The following GRIK1 variants were observed in gnomAD, a reference collection of about 807,000 sequenced individuals.
GRIK1 encodes glutamate ionotropic receptor kainate type subunit 1, also known as glutamate receptor ionotropic, kainate 1.
Under a neutral mutation model 105.7 loss-of-function variants are expected in GRIK1, and 69 were observed. That is an observed-to-expected ratio of 0.65 (90% CI 0.54 to 0.80). The LOEUF is 0.80. Ranked by LOEUF, GRIK1 falls within the 30% of genes least tolerant of loss-of-function variation. GRIK1 has a pLI of 0.00. For missense variants in GRIK1, 1,109 were observed against 1,167.3 expected (o/e 0.95, Z 0.73); for synonymous variants, 438 against 431.3 (o/e 1.02, Z -0.19).
chr21:29,820,872 C>T (rs112075950), intron 1 of GRIK1, among the ~76,000 whole-genome samples: 141 of 152,026 alleles, frequency 9.3e-4, no homozygotes, highest in South Asian at 6.2e-3. Flanking sequence ...AAAAACCTTA[C>T]CCAAGTTTAC....
chr21:29,627,182 T>C (rs149248977), intron 7 of GRIK1, among the ~76,000 whole-genome samples: 313 of 152,384 alleles, frequency 2.1e-3, no homozygotes, highest in African/African-American at 7.2e-3. Flanking sequence ...TGTACTTATA[T>C]ATAATAACTA....
chr21:29,724,190 C>A (rs990759719), intron 1 of GRIK1, among the ~76,000 whole-genome samples: 1 of 152,178 alleles, frequency 6.6e-6, no homozygotes, highest in African/African-American at 2.4e-5. Context: ...ATTCCTTTAG[C>A]GTGACATCAG....
intron 4 of GRIK1, among the ~76,000 whole-genome samples, chr21:29,661,853 G>A (rs1276329799): frequency 2.0e-5 from 3 of 152,148 alleles, no homozygotes; most frequent in African/African-American, 7.2e-5. Context: ...AACTTGCTAA[G>A]TTCCTCTGTT....
intron 1 of GRIK1, among the ~76,000 whole-genome samples, chr21:29,847,915 CCTCT>C (rs149581180): frequency 6.8e-6 from 1 of 146,382 alleles, no homozygotes; most frequent in Non-Finnish European, 1.5e-5. Context: ...TCTCTCTCTC[CCTCT>C]CTCTCTCTCT....
intron 1 of GRIK1, among the ~76,000 whole-genome samples, chr21:29,878,881 C>T (rs59507136): frequency 0.01 from 1,590 of 151,492 alleles, 26 homozygotes; most frequent in African/African-American, 0.036. Context: ...TTTTATGGTC[C>T]TTTGTCATGG....
intron 7 of GRIK1, among the ~76,000 whole-genome samples, chr21:29,620,980 A>C (rs2061988842): frequency 1.3e-5 from 2 of 148,266 alleles, no homozygotes; most frequent in South Asian, 4.3e-4. Context: ...AGAATTTGGA[A>C]AAAAAATATA....
intron 1 of GRIK1, among the ~76,000 whole-genome samples, chr21:29,754,937 A>T (rs1331825339): frequency 2.0e-5 from 3 of 151,752 alleles, no homozygotes; most frequent in African/African-American, 7.3e-5. Flanking sequence ...AATTCTTTGT[A>T]CTCTATCTAT....
intron 1 of GRIK1, among the ~76,000 whole-genome samples, chr21:29,773,714 A>G (rs2065870712): frequency 6.6e-6 from 1 of 152,198 alleles, no homozygotes; most frequent in South Asian, 2.1e-4. Flanking sequence ...CAGATAGCAT[A>G]GCTTATCTAG....
chr21:29,730,078 G>C (rs1367753830), intron 1 of GRIK1, among the ~76,000 whole-genome samples: 2 of 152,158 alleles, frequency 1.3e-5, no homozygotes, highest in Non-Finnish European at 2.9e-5. Context: ...TTCCAGAAAA[G>C]CAGAATTTCT....
intron 1 of GRIK1, chr21:29,861,663 C>CTA: frequency 2.2e-6 from 1 of 457,666 alleles, no homozygotes; most frequent in Non-Finnish European, 4.4e-6. Context: ...GAGAATCTTT[C>CTA]TAATGAATGA....
chr21:29,546,648 C>T (rs1186046195), intron 16 of GRIK1, among the ~76,000 whole-genome samples: 1 of 152,212 alleles, frequency 6.6e-6, no homozygotes, highest in African/African-American at 2.4e-5. Context: ...AGTAAAATAT[C>T]ATTATCTCTG....
At chr21:29,604,161 C>A (rs1215562642) in intron 7 of GRIK1, among the ~76,000 whole-genome samples, 1 of 152,146 alleles carries the variant, frequency 6.6e-6, no homozygotes, top group African/African-American at 2.4e-5. Context: ...TGATTTTATT[C>A]TTGAACTTAG....
intron 1 of GRIK1, among the ~76,000 whole-genome samples, chr21:29,715,928 C>CATCATGA (rs1262387158): frequency 6.6e-6 from 1 of 151,980 alleles, no homozygotes; most frequent in Non-Finnish European, 1.5e-5. Context: ...ACCCATATCT[C>CATCATGA]ATCATGAATT....
At chr21:29,861,169 C>T (rs1207103172) in intron 1 of GRIK1, among the ~76,000 whole-genome samples, 1 of 152,012 alleles carries the variant, frequency 6.6e-6, no homozygotes, top group African/African-American at 2.4e-5. Flanking sequence ...CTTTTATTTG[C>T]CTATTGCAGT....
chr21:29,547,499 C>T (rs1023069173), intron 16 of GRIK1, among the ~76,000 whole-genome samples: 1 of 152,222 alleles, frequency 6.6e-6, no homozygotes, highest in Non-Finnish European at 1.5e-5. Context: ...CCTCATTCCA[C>T]AGATGAAGAA....
intron 7 of GRIK1, among the ~76,000 whole-genome samples, chr21:29,624,658 T>C (rs2062082085): frequency 6.6e-6 from 1 of 152,248 alleles, no homozygotes; most frequent in Non-Finnish European, 1.5e-5. Flanking sequence ...CTCTGAGTGA[T>C]TCTTCTTAAG....
intron 1 of GRIK1, among the ~76,000 whole-genome samples, chr21:29,926,436 G>GA (rs934707814): frequency 1.7e-4 from 26 of 152,188 alleles, no homozygotes; most frequent in Middle Eastern, 3.4e-3. Context: ...AGTTGTATGA[G>GA]AAAAACAAAG....
Position 29,590,320 on chromosome 21 carries a change from G to A in GRIK1, c.1365+792C>T, listed in dbSNP as rs1385951056. ...ATAAATTGATTTGACATTATGGACT[G>A]GTGTAAGGCAGGATGTCTGCAAGCA... is the stretch of plus-strand genomic sequence containing the variant. On this transcript the variant is annotated intron_variant, in intron 10 of 17. Transcript: ENST00000327783. 2.0e-5 allele frequency among the ~76,000 whole-genome samples: 3 copies of A among 152,162 alleles called. No homozygotes were observed. In the East Asian group the frequency reaches 5.8e-4, roughly 29 times the overall value.
intron 5 of GRIK1, among the ~76,000 whole-genome samples, chr21:29,653,422 A>G (rs2062782516): frequency 6.6e-6 from 1 of 152,212 alleles, no homozygotes; most frequent in Non-Finnish European, 1.5e-5. Flanking sequence ...TGCATGCAGA[A>G]TGAGTGTTAG....
Sources: allele counts gnomAD v4.1 joint callset (sites outside exome capture counted in the v4.1 genomes callset), GRCh38; gene constraint gnomAD v4.1.1; transcripts MANE v1.5; gene names NCBI Gene and HGNC (gene_info 2026-07-23, HGNC 2026-07-21).